The following USH2A variants were observed in gnomAD, a reference collection of about 807,000 sequenced individuals.
USH2A encodes usherin, also known as Usher syndrome 2A (autosomal recessive, mild).
A neutral mutation model predicts 538.9 loss-of-function variants in USH2A; 443 were observed. That is an observed-to-expected ratio of 0.82 (90% CI 0.76 to 0.89). USH2A has a LOEUF of 0.89. Ranked by LOEUF, USH2A falls within the 40% of genes least tolerant of loss-of-function variation. USH2A has a pLI of 0.00. For missense variants in USH2A, 6,633 were observed against 6,324.8 expected, an observed-to-expected ratio of 1.05 and a Z score of -1.65; for synonymous variants, 2,413 against 2,273.5, an observed-to-expected ratio of 1.06 and a Z score of -1.75.
At chr1:216,232,995 G>A (rs1041531578) in intron 13 of USH2A, among the ~76,000 whole-genome samples, 8 of 152,100 alleles carry the variant, frequency 5.3e-5, no homozygotes, top group South Asian at 2.1e-4. Flanking sequence ...ACCCAGTCCC[G>A]GAGGCCATCT....
intron 49 of USH2A, among the ~76,000 whole-genome samples, chr1:215,803,252 TATTCAAC>T (rs1422578290): frequency 1.3e-5 from 2 of 152,116 alleles, no homozygotes; most frequent in Non-Finnish European, 2.9e-5. Flanking sequence ...TCACCACTCC[TATTCAAC>T]ATAGGGTTGG....
At chr1:215,818,924 GA>G (rs926801864) in intron 47 of USH2A, among the ~76,000 whole-genome samples, 9 of 151,788 alleles carry the variant, frequency 5.9e-5, no homozygotes, top group African/African-American at 2.2e-4. Context: ...GCACAGCAAA[GA>G]AAACCTCCTT....
intron 61 of USH2A, among the ~76,000 whole-genome samples, chr1:215,691,764 C>A (rs995771170): frequency 1.3e-5 from 2 of 152,146 alleles, no homozygotes; most frequent in African/African-American, 4.8e-5. Context: ...TGTGGCTGGG[C>A]TAGAGTAAGT....
chr1:216,255,445 C>T (rs1330113926), intron 11 of USH2A, among the ~76,000 whole-genome samples: 1 of 152,174 alleles, frequency 6.6e-6, no homozygotes, highest in Non-Finnish European at 1.5e-5. Flanking sequence ...TCATTCAGTT[C>T]AAAATACTTC....
chr1:216,344,259 A>G (rs1558047092), intron 4 of USH2A, among the ~76,000 whole-genome samples: 1 of 152,136 alleles, frequency 6.6e-6, no homozygotes, highest in Non-Finnish European at 1.5e-5. Flanking sequence ...AGGATTTAGT[A>G]ACAGAAAGAG....
intron 40 of USH2A, among the ~76,000 whole-genome samples, chr1:215,891,136 T>C (rs894928267): frequency 6.6e-6 from 1 of 152,178 alleles, no homozygotes; most frequent in African/African-American, 2.4e-5. Context: ...TCCATGATAA[T>C]GAGATGAACT....
intron 4 of USH2A, among the ~76,000 whole-genome samples, chr1:216,362,735 G>A (rs563720312): frequency 1.1e-4 from 17 of 151,974 alleles, no homozygotes; most frequent in African/African-American, 4.1e-4. Context: ...CTGAGGCCAG[G>A]AGTTCGAGAC....
chr1:216,314,250 A>C (rs1412699749), intron 9 of USH2A, among the ~76,000 whole-genome samples: 1 of 152,068 alleles, frequency 6.6e-6, no homozygotes, highest in Non-Finnish European at 1.5e-5. Flanking sequence ...TTTTAAAAGC[A>C]TTTATGCACA....
Position 215,900,176 on chromosome 1 carries a change from C to T in USH2A, c.7493G>A (p.Ser2498Asn), listed in dbSNP as rs766760718. The T allele has an allele frequency of 3.1e-6, 5 of 1,613,566 alleles. No individual in the cohort carries two copies. The South Asian group carries it at 5.5e-5, about 18-fold the overall frequency. Residue 2498 changes from serine to asparagine, a missense_variant, in exon 40 of 72, where the codon AGT becomes AAT. By Grantham distance (46) the Ser-to-Asn change is conservative. Transcript: ENST00000307340. The stretch of plus-strand genomic sequence containing the variant: ...ATACTCTGTGTACGGTTGGAGATCA[C>T]TCACTTCATAGCTTAACGATGCAGA... ...NPSASLSYEV[S>N]DLQPYTEYMF...
intron 19 of USH2A, among the ~76,000 whole-genome samples, chr1:216,192,352 C>A (rs1274697942): frequency 1.3e-5 from 2 of 151,974 alleles, no homozygotes; most frequent in Non-Finnish European, 2.9e-5. Context: ...CTTTTGATTT[C>A]ATTTCCTTGA....
At position 216,048,614 on chromosome 1, in the gene USH2A, T is replaced by C. The variant is rs756571385; in HGVS notation, c.6083A>G (p.Tyr2028Cys). The change falls in exon 31 of 72, where the codon TAT becomes TGT. Residue 2028 changes from tyrosine (Y) to cysteine (C), a missense_variant. Tyr to Cys is a radical substitution (Grantham distance 194, BLOSUM62 -2). Coordinates refer to ENST00000307340, the MANE Select transcript of USH2A (RefSeq NM_206933.4). ...ILTGLLPFKN[Y>C]AVTLTACTLA... is the part of the protein sequence containing the mutation. ...AGTGCAAGCAGTTAGGGTTACTGCATAGTTTTTGAAGGGTAGCAAGCCTGT... is the reference window on the plus strand; with the variant it reads ...AGTGCAAGCAGTTAGGGTTACTGCACAGTTTTTGAAGGGTAGCAAGCCTGT... 3.1e-6 allele frequency: 5 copies of C among 1,614,024 alleles called. No individual in the cohort carries two copies. The East Asian group carries it at 8.9e-5, about 29-fold the overall frequency.
At chr1:215,950,609 C>A (rs1666889104) in intron 37 of USH2A, among the ~76,000 whole-genome samples, 1 of 150,026 alleles carries the variant, frequency 6.7e-6, no homozygotes, top group Admixed American at 6.7e-5. Flanking sequence ...TGGGTTCAAT[C>A]AATTCTCTGC....
At chr1:216,281,638 TCTGA>T (rs1200585972) in intron 11 of USH2A, among the ~76,000 whole-genome samples, 1 of 152,158 alleles carries the variant, frequency 6.6e-6, no homozygotes, top group Non-Finnish European at 1.5e-5. Context: ...TGATGGACAT[TCTGA>T]CTATTACAAA....
intron 2 of USH2A, among the ~76,000 whole-genome samples, chr1:216,420,580 T>C (rs2039659552): frequency 6.6e-6 from 1 of 152,134 alleles, no homozygotes; most frequent in African/African-American, 2.4e-5. Context: ...TACTTCTCTG[T>C]CTTATTTATA....
rs780364275 is a variant in USH2A at position 215,868,591 on chromosome 1, CA to C, written c.8682-1422del. ...TCTTTCAAAAAGATATTTTCAAGCC[CA>C]AGCCCCTGGTCCCTGTGAACACGAC... is the stretch of plus-strand genomic sequence containing the variant. On this transcript the variant is annotated intron_variant, in intron 43 of 71. Coordinates refer to ENST00000307340, the MANE Select transcript of USH2A (RefSeq NM_206933.4). Among the ~76,000 whole-genome samples the C allele has an allele frequency of 1.2e-4, 18 of 152,240 alleles. No individual in the cohort carries two copies. The East Asian group carries it at 2.1e-3, about 18-fold the overall frequency.
intron 65 of USH2A, among the ~76,000 whole-genome samples, chr1:215,649,298 T>C (rs370597067): frequency 2.0e-5 from 3 of 152,182 alleles, no homozygotes; most frequent in Non-Finnish European, 4.4e-5. Flanking sequence ...AGGGTGTTGG[T>C]TTTTACAAAA....
chr1:215,910,871 C>T (rs183577781), intron 38 of USH2A, among the ~76,000 whole-genome samples: 185 of 151,848 alleles, frequency 1.2e-3, no homozygotes, highest in Admixed American at 0.01. Flanking sequence ...TAATTGAGAT[C>T]GCTCTGGATA....
At chr1:216,251,823 A>G (rs2036169459) in intron 11 of USH2A, among the ~76,000 whole-genome samples, 1 of 152,094 alleles carries the variant, frequency 6.6e-6, no homozygotes, top group Admixed American at 6.6e-5. Context: ...ATTAAGGGAG[A>G]ATCTTTCTAT....
rs776559510 is a variant in USH2A at position 215,624,468 on chromosome 1, TAGAC to T, written c.*1309_*1312del. On this transcript the variant is annotated 3_prime_UTR_variant, in exon 72 of 72. Transcript: ENST00000307340. ...AAAAAGTATTGTGACTATTGTGTGTTAGACAGAGTCAATATTTTCCTGGGGTCAC... is the reference window on the plus strand; with the variant it reads ...AAAAAGTATTGTGACTATTGTGTGTTAGAGTCAATATTTTCCTGGGGTCAC... 5 of 152,292 alleles carry T rather than the reference TAGAC, an allele frequency of 3.3e-5. No homozygotes were observed. Among genetic ancestry groups the T allele is most frequent in the Non-Finnish European group, 5.9e-5 (4 of 68,016 alleles). 9.4% of individuals were successfully genotyped at this position (152,292 alleles called of 1,614,324 possible).
Sources: gnomAD v4.1 joint callset for allele counts (sites outside exome capture counted in the v4.1 genomes callset) on GRCh38, gnomAD v4.1.1 for gene constraint, MANE v1.5 for transcripts, NCBI Gene and HGNC (gene_info 2026-07-23, HGNC 2026-07-21) for gene names.